TUSC3: variants seen among roughly 807,000 people sequenced by gnomAD.
TUSC3 encodes the protein dolichyl-diphosphooligosaccharide--protein glycosyltransferase subunit TUSC3.
TUSC3 carries 45 observed loss-of-function variants against 44.8 expected under a neutral mutation model. The observed-to-expected ratio is 1.00, with a 90% CI of 0.79 to 1.29. The LOEUF (loss-of-function observed/expected upper bound fraction) is 1.29, where lower values mean the gene tolerates loss of function less well. Ranked by LOEUF, TUSC3 falls within the 50% of genes most tolerant of loss-of-function variation. The pLI is 0.00. For synonymous variants in TUSC3, 212 were observed against 152.9 expected (o/e 1.39, Z -2.85); for missense variants, 519 against 437.9 (o/e 1.19, Z -1.65).
At chr8:15,508,457 C>CTTTTTTTTTTT (rs1200727081) in intron 2 of TUSC3, among the ~76,000 whole-genome samples, 1 of 79,584 alleles carries the variant, frequency 1.3e-5, no homozygotes. Flanking sequence ...TCGAAGCTTC[C>CTTTTTTTTTTT]TTTTTTTTTT....
intron 6 of TUSC3, among the ~76,000 whole-genome samples, chr8:15,696,793 G>T (rs866241614): frequency 2.0e-5 from 3 of 152,180 alleles, no homozygotes; most frequent in Non-Finnish European, 4.4e-5. Context: ...GTATTAGGGT[G>T]ATACTGGCTT....
At chr8:15,811,865 C>T in the TUSC3 span, among the ~76,000 whole-genome samples, 2 of 151,694 alleles carry the variant, frequency 1.3e-5, no homozygotes, top group Non-Finnish European at 2.9e-5. Context: ...ATAAAATAGC[C>T]GAGCCAGTTC....
At chr8:15,605,450 A>T (rs1302918547) in intron 1 of TUSC3, among the ~76,000 whole-genome samples, 1 of 151,976 alleles carries the variant, frequency 6.6e-6, no homozygotes, top group African/African-American at 2.4e-5. Flanking sequence ...GGAAGCCATT[A>T]TTGATTTGCT....
chr8:15,484,803 C>T (rs533690815), intron 2 of TUSC3, among the ~76,000 whole-genome samples: 1 of 152,272 alleles, frequency 6.6e-6, no homozygotes, highest in South Asian at 2.1e-4. Flanking sequence ...TTAAAATGTT[C>T]ATCCAAATAG....
At chr8:15,623,556 C>A (rs538582327) in intron 2 of TUSC3, among the ~76,000 whole-genome samples, 14 of 151,578 alleles carry the variant, frequency 9.2e-5, no homozygotes, top group African/African-American at 3.4e-4. Context: ...TGAAGTAGCC[C>A]CCTTAAATAT....
intron 7 of TUSC3, among the ~76,000 whole-genome samples, chr8:15,736,660 A>T (rs1205107173): frequency 3.3e-5 from 5 of 152,188 alleles, no homozygotes; most frequent in Admixed American, 3.3e-4. Flanking sequence ...AGGCATCTTC[A>T]TTTCACATTT....
intron 1 of TUSC3, among the ~76,000 whole-genome samples, chr8:15,429,650 T>C: frequency 6.6e-6 from 1 of 151,676 alleles, no homozygotes; most frequent in East Asian, 1.9e-4. Flanking sequence ...TTTTATTTCA[T>C]TGAGCAGTGG....
Position 15,418,551 on chromosome 8 carries a change from A to G in TUSC3, n.91+1246A>G, listed in dbSNP as rs1000949800. On this transcript the variant is annotated intron_variant and non_coding_transcript_variant, in intron 1 of 5. Coordinates refer to the TUSC3 transcript ENST00000503191. ...GAGCGAAAAAATTAGAAGTTGAAAG[A>G]TTTTATATCAGAAAACAAAAGTTAT... Among the ~76,000 whole-genome samples, 3 of 152,252 alleles carry G rather than the reference A, an allele frequency of 2.0e-5. No individual in the cohort carries two copies. In the East Asian group the frequency reaches 5.8e-4, roughly 29 times the overall value.
At chr8:15,712,508 C>G (rs540799667) in intron 6 of TUSC3, among the ~76,000 whole-genome samples, 1 of 152,068 alleles carries the variant, frequency 6.6e-6, no homozygotes, top group Non-Finnish European at 1.5e-5. Flanking sequence ...ATTCCTTAAC[C>G]GTTTTATTAG....
intron 1 of TUSC3, among the ~76,000 whole-genome samples, chr8:15,439,258 G>C (rs1466118415): frequency 1.3e-5 from 2 of 152,214 alleles, no homozygotes; most frequent in African/African-American, 4.8e-5. Flanking sequence ...CTAAATTACA[G>C]AGCAAGATGG....
chr8:15,844,153 T>C, the TUSC3 span, among the ~76,000 whole-genome samples: 3 of 152,020 alleles, frequency 2.0e-5, no homozygotes, highest in Non-Finnish European at 2.9e-5. Flanking sequence ...CAAACAATTT[T>C]AATGAAGGGA....
intron 2 of TUSC3, among the ~76,000 whole-genome samples, chr8:15,642,604 C>G (rs73195124): frequency 0.18 from 27,479 of 151,942 alleles, 2,433 homozygotes; most frequent in South Asian, 0.27. Flanking sequence ...CCACATGAAG[C>G]TGAAGAATAG....
intron 2 of TUSC3, among the ~76,000 whole-genome samples, chr8:15,492,411 G>A (rs772755183): frequency 8.5e-5 from 13 of 152,152 alleles, no homozygotes; most frequent in Non-Finnish European, 1.3e-4. Context: ...AGGCTTGTCT[G>A]CACAGTTCTA....
At chr8:15,534,378 G>T (rs546232431) in intron 2 of TUSC3, among the ~76,000 whole-genome samples, 2 of 151,966 alleles carry the variant, frequency 1.3e-5, no homozygotes, top group Non-Finnish European at 2.9e-5. Context: ...GCGCGGTGAC[G>T]CACACCTGTA....
At chr8:15,481,066 G>A (rs897877535) in intron 1 of TUSC3, among the ~76,000 whole-genome samples, 8 of 151,966 alleles carry the variant, frequency 5.3e-5, no homozygotes, top group African/African-American at 1.9e-4. Flanking sequence ...TGACCAACGT[G>A]GAGAAACCCT....
downstream of TUSC3, among the ~76,000 whole-genome samples, chr8:15,766,870 A>G (rs571512691): frequency 6.6e-6 from 1 of 152,244 alleles, no homozygotes; most frequent in South Asian, 2.1e-4. Context: ...TCAACCAGTG[A>G]CATTAAACAT....
the TUSC3 span, among the ~76,000 whole-genome samples, chr8:15,799,726 C>T: frequency 1.3e-5 from 2 of 152,244 alleles, no homozygotes; most frequent in African/African-American, 4.8e-5. Flanking sequence ...TTTCAGCATC[C>T]CACACTTAAT....
intron 1 of TUSC3, among the ~76,000 whole-genome samples, chr8:15,586,469 G>C (rs1262944397): frequency 2.6e-5 from 4 of 152,114 alleles, no homozygotes; most frequent in Non-Finnish European, 5.9e-5. Flanking sequence ...GAGTGGGATA[G>C]AAGAGGGCTA....
chr8:15,732,452 CTG>C (rs1352772691), intron 7 of TUSC3, among the ~76,000 whole-genome samples: 1 of 152,102 alleles, frequency 6.6e-6, no homozygotes, highest in Non-Finnish European at 1.5e-5. Flanking sequence ...CCATATGGAA[CTG>C]TGAGTCCGTT....
Sources: gnomAD v4.1 joint callset for allele counts (sites outside exome capture counted in the v4.1 genomes callset) on GRCh38, gnomAD v4.1.1 for gene constraint, MANE v1.5 for transcripts, NCBI Gene and HGNC (gene_info 2026-07-23, HGNC 2026-07-21) for gene names.